Variants in KIRREL3 observed in about 807,000 individuals in gnomAD.
The protein encoded by KIRREL3 is kin of IRRE-like protein 3.
In KIRREL3, 36 loss-of-function variants were observed where a neutral mutation model predicts 89.7. That is an observed-to-expected ratio of 0.40 (90% CI 0.31 to 0.53). The LOEUF (loss-of-function observed/expected upper bound fraction) is 0.53, where lower values mean the gene tolerates loss of function less well. Ranked by LOEUF, KIRREL3 falls within the 20% of genes least tolerant of loss-of-function variation. The probability of loss-of-function intolerance (pLI) is 0.49; values close to 1 mark genes in which losing one functional copy is unlikely to be tolerated. For synonymous variants in KIRREL3, 445 were observed against 441.4 expected, an observed-to-expected ratio of 1.01 and a Z score of -0.10; for missense variants, 864 against 1,056.6, an observed-to-expected ratio of 0.82 and a Z score of 2.53.
chr11:126,620,825 T>C lies in KIRREL3; in HGVS notation c.56-57913A>G, dbSNP rs111389010. 4.7e-3 allele frequency among the ~76,000 whole-genome samples: 716 copies of C among 152,314 alleles called. 8 individuals are homozygous for C. Among genetic ancestry groups the C allele is most frequent in the African/African-American group, 0.017 (692 of 41,578 alleles). ...GAGAAGATAACTTCTGCTTTCTTCT[T>C]GGAGCAGCAACTAGTGAGGAAGGCC... On this transcript the variant is annotated intron_variant, in intron 1 of 16. Transcript: ENST00000525144. This position sits in a 1 kb window ranked among gnomAD's most constrained non-coding sequence, Gnocchi z 4.8.
chr11:126,784,921 C>T (rs1238779584), intron 1 of KIRREL3, among the ~76,000 whole-genome samples: 3 of 152,224 alleles, frequency 2.0e-5, no homozygotes, highest in Admixed American at 2.0e-4. Context: ...CATGAACATC[C>T]ATGATCAGTG....
In KIRREL3 at chr11:126,843,284, T is replaced by C. The variant is rs1944025331; in HGVS notation, c.55+157171A>G. On this transcript the variant is annotated intron_variant, in intron 1 of 16. Transcript: ENST00000525144. The surrounding 1 kb of genome is among the most constrained non-coding windows in gnomAD (Gnocchi z 4.6). The stretch of plus-strand genomic sequence containing the variant: ...GTCCCCATCAGTATGAAAGGCAAGT[T>C]TGCAGGGCTGGAGACAGGCTTTGAT... Among the ~76,000 whole-genome samples the C allele has an allele frequency of 6.6e-6, 1 of 152,180 alleles. No individual in the cohort carries two copies. Among genetic ancestry groups the C allele is most frequent in the Admixed American group, 6.5e-5 (1 of 15,270 alleles).
chr11:126,469,632 G>T (rs1484362043), intron 5 of KIRREL3, among the ~76,000 whole-genome samples: 4 of 152,228 alleles, frequency 2.6e-5, no homozygotes, highest in Admixed American at 2.6e-4. Flanking sequence ...ACGTGTGCGG[G>T]CTCTGCTGGT....
intron 1 of KIRREL3, among the ~76,000 whole-genome samples, chr11:126,646,123 C>G (rs992531050): frequency 6.6e-6 from 1 of 152,120 alleles, no homozygotes; most frequent in Non-Finnish European, 1.5e-5. Flanking sequence ...CCCCACCCCC[C>G]AAACAGGTCA....
At chr11:126,524,743 C>T (rs930803448) in intron 3 of KIRREL3, among the ~76,000 whole-genome samples, 8 of 152,268 alleles carry the variant, frequency 5.3e-5, no homozygotes, top group African/African-American at 1.9e-4. Flanking sequence ...AGGCTGAAAT[C>T]CCACAACCCT....
chr11:126,741,613 A>G lies in KIRREL3; in HGVS notation c.56-178701T>C, dbSNP rs935406069. On this transcript the variant is annotated intron_variant, in intron 1 of 16. Coordinates refer to ENST00000525144, the MANE Select transcript of KIRREL3 (RefSeq NM_032531.4). ...GAACTTTTAGTACATCGGAGAGTTT[A>G]AAAAGCACATAGGGGAATATAAGTT... Among the ~76,000 whole-genome samples the G allele has an allele frequency of 2.6e-5, 4 of 152,214 alleles. No individual in the cohort carries two copies. In the East Asian group the frequency reaches 7.7e-4, roughly 29 times the overall value.
At chr11:126,840,618 T>C (rs1443999953) in intron 1 of KIRREL3, among the ~76,000 whole-genome samples, 2 of 152,202 alleles carry the variant, frequency 1.3e-5, no homozygotes, top group Non-Finnish European at 2.9e-5. Flanking sequence ...GAACAAAAAA[T>C]TCCTAAGTTT....
In KIRREL3 at chr11:126,996,177, T is replaced by C. The variant is rs1490498301; in HGVS notation, c.55+4278A>G. On this transcript the variant is annotated intron_variant, in intron 1 of 16. Transcript: ENST00000525144. The surrounding 1 kb of genome is among the most constrained non-coding windows in gnomAD (Gnocchi z 4.7). Reference sequence around the variant, plus strand: ...CCCACCCGAAGATTTGTTAAAGAAGTGGTCCCACACCCTTGGCAGCTGTGT... The same window carrying C: ...CCCACCCGAAGATTTGTTAAAGAAGCGGTCCCACACCCTTGGCAGCTGTGT... Among the ~76,000 whole-genome samples, 1 of 152,218 alleles carries C rather than the reference T, an allele frequency of 6.6e-6. No individual in the cohort carries two copies. The highest frequency in any genetic ancestry group is 2.4e-5 in the African/African-American group (1 of 41,456).
At chr11:126,488,456 C>T (rs937662074) in intron 4 of KIRREL3, among the ~76,000 whole-genome samples, 8 of 152,350 alleles carry the variant, frequency 5.3e-5, no homozygotes, top group African/African-American at 9.6e-5. Flanking sequence ...GTAGTAGGTC[C>T]GCAGTCGTGG....
In KIRREL3 at chr11:126,429,380, A is replaced by C; in HGVS notation, c.1697-92T>G. On this transcript the variant is annotated intron_variant, in intron 14 of 16. Transcript: ENST00000525144. This position sits in a 1 kb window ranked among gnomAD's most constrained non-coding sequence, Gnocchi z 5.2. ...TGCAGTCCCCTGCCCCTGCCCTGCC[A>C]CCCTCTGCATTTCCCCTCCAGCCCC... 2.4e-6 allele frequency: 2 copies of C among 837,994 alleles called. No homozygotes were observed. Among genetic ancestry groups the C allele is most frequent in the Non-Finnish European group, 2.0e-6 (1 of 503,382 alleles). The allele number at this position is 837,994 out of a possible 1,614,324, so 51.9% of individuals were successfully genotyped here.
At chr11:126,927,171 A>G (rs1947753513) in intron 1 of KIRREL3, among the ~76,000 whole-genome samples, 1 of 152,208 alleles carries the variant, frequency 6.6e-6, no homozygotes, top group African/African-American at 2.4e-5. Flanking sequence ...AGATGGGGTT[A>G]CCCAAATGAC....
chr11:126,861,963 A>G (rs946175692), intron 1 of KIRREL3, among the ~76,000 whole-genome samples: 10 of 152,214 alleles, frequency 6.6e-5, no homozygotes, highest in Non-Finnish European at 1.2e-4. Context: ...TTGAGTGCAC[A>G]TGAGCATGGC....
chr11:126,918,979 ATAT>A lies in KIRREL3; in HGVS notation c.55+81473_55+81475del, dbSNP rs1166216358. ...GTTATAAGATATGTATTGTTACATCATATTATATTATTATTTGTATTATATATA... is the reference window on the plus strand; with the variant it reads ...GTTATAAGATATGTATTGTTACATCATATATTATTATTTGTATTATATATA... On this transcript the variant is annotated intron_variant, in intron 1 of 16. Transcript: ENST00000525144. This position sits in a 1 kb window ranked among gnomAD's most constrained non-coding sequence, Gnocchi z 6.5. Among the ~76,000 whole-genome samples, 1 of 143,700 alleles carries A rather than the reference ATAT, an allele frequency of 7.0e-6. No homozygotes were observed. Among genetic ancestry groups the A allele is most frequent in the East Asian group, 2.0e-4 (1 of 5,110 alleles). The allele number at this position is 143,700 out of a possible 152,430, so 94.3% of individuals were successfully genotyped here. A position where few individuals can be genotyped will look rare whatever the true frequency, so the allele number is the denominator to read the frequency against.
At chr11:126,852,779 C>G (rs896912009) in intron 1 of KIRREL3, among the ~76,000 whole-genome samples, 5 of 152,186 alleles carry the variant, frequency 3.3e-5, no homozygotes, top group African/African-American at 1.2e-4. Context: ...AAAGGTCCCC[C>G]GGCAAGGCAA....
intron 1 of KIRREL3, among the ~76,000 whole-genome samples, chr11:126,822,519 C>T (rs1379970725): frequency 6.6e-6 from 1 of 152,170 alleles, no homozygotes; most frequent in African/African-American, 2.4e-5. Context: ...TGATCTGACC[C>T]TGGGGACTTT....
intron 1 of KIRREL3, among the ~76,000 whole-genome samples, chr11:126,789,655 C>T (rs1228652062): frequency 6.6e-6 from 1 of 152,170 alleles, no homozygotes; most frequent in Non-Finnish European, 1.5e-5. Context: ...TCTCCATCTC[C>T]CCGGAGTTGT....
chr11:126,609,379 C>T lies in KIRREL3; in HGVS notation c.56-46467G>A, dbSNP rs150052256. ...GCATCTATTATTTATGATTTCCTTT[C>T]GTCTCTCCTGAGTATGACAACTGTG... is the stretch of plus-strand genomic sequence containing the variant. On this transcript the variant is annotated intron_variant, in intron 1 of 16. Coordinates refer to ENST00000525144, the MANE Select transcript of KIRREL3 (RefSeq NM_032531.4). The surrounding 1 kb of genome is among the most constrained non-coding windows in gnomAD (Gnocchi z 5.0). 1.9e-4 allele frequency among the ~76,000 whole-genome samples: 29 copies of T among 152,278 alleles called. No individual in the cohort carries two copies. The highest frequency in any genetic ancestry group is 6.3e-4 in the African/African-American group (26 of 41,548).
Position 126,471,287 on chromosome 11 carries a change from T to C in KIRREL3, c.591+2022A>G, listed in dbSNP as rs572038852. Reference sequence around the variant, plus strand: ...CTGGAGGCTGAGGCAGGAGAATCACTTGAGCCCAGGAGGTGGAGGTTGCGG... The same window carrying C: ...CTGGAGGCTGAGGCAGGAGAATCACCTGAGCCCAGGAGGTGGAGGTTGCGG... On this transcript the variant is annotated intron_variant, in intron 5 of 16. Transcript: ENST00000525144. The surrounding 1 kb of genome is among the most constrained non-coding windows in gnomAD (Gnocchi z 5.4). 6.6e-5 allele frequency among the ~76,000 whole-genome samples: 10 copies of C among 152,164 alleles called. No individual in the cohort carries two copies. In the East Asian group the frequency reaches 1.3e-3, roughly 21 times the overall value.
At chr11:126,757,224 A>G (rs1460300382) in intron 1 of KIRREL3, among the ~76,000 whole-genome samples, 1 of 152,190 alleles carries the variant, frequency 6.6e-6, no homozygotes, top group Non-Finnish European at 1.5e-5. Context: ...TGCTACATAA[A>G]GGCACAATGT....
Sources: gnomAD v4.1 joint callset for allele counts (sites outside exome capture counted in the v4.1 genomes callset) on GRCh38, gnomAD v4.1.1 for gene constraint, Gnocchi (gnomAD v3.1) non-coding constraint, MANE v1.5 for transcripts, NCBI Gene and HGNC (gene_info 2026-07-23, HGNC 2026-07-21) for gene names.